The following EMP2 variants were observed in gnomAD, a reference collection of about 807,000 sequenced individuals.
The protein encoded by EMP2 is epithelial membrane protein 2.
In EMP2, 19 loss-of-function variants were observed where a neutral mutation model predicts 13.7. The observed-to-expected ratio is 1.38, with a 90% CI of 0.97 to 2.03. EMP2 has a LOEUF of 2.03. Among genes scored for constraint, EMP2 ranks in the 30% most tolerant of loss-of-function variants. The probability of loss-of-function intolerance (pLI) is 0.00; values close to 1 mark genes in which losing one functional copy is unlikely to be tolerated. For missense variants in EMP2, 253 were observed against 220.7 expected, an observed-to-expected ratio of 1.15 and a Z score of -0.93; for synonymous variants, 97 against 84.7, an observed-to-expected ratio of 1.15 and a Z score of -0.80.
At position 10,531,162 on chromosome 16, in the gene EMP2, CG is replaced by C. The variant is rs1567198357; in HGVS notation, c.*1742del. 3 of 151,992 alleles carry C rather than the reference CG, an allele frequency of 2.0e-5. No homozygotes were observed. The highest frequency in any genetic ancestry group is 1.9e-4 in the East Asian group (1 of 5,136). The allele number at this position is 151,992 out of a possible 1,614,324, so 9.4% of individuals were successfully genotyped here. ...AATTTTGTTGTATTTTCGGTAGAGA[CG>C]GGGTTTCACCATGTTGGCCAGGCTG... On this transcript the variant is annotated 3_prime_UTR_variant, in exon 5 of 5. Coordinates refer to ENST00000359543, the MANE Select transcript of EMP2 (RefSeq NM_001424.6).
chr16:10,569,042 C>A (rs1163202973), intron 1 of EMP2, among the ~76,000 whole-genome samples: 1 of 152,122 alleles, frequency 6.6e-6, no homozygotes, highest in East Asian at 1.9e-4. Context: ...CCCACCTTGG[C>A]CTCCCAAAGG....
intron 1 of EMP2, among the ~76,000 whole-genome samples, chr16:10,559,923 C>T (rs1362803308): frequency 6.6e-6 from 1 of 152,172 alleles, no homozygotes; most frequent in East Asian, 1.9e-4. Flanking sequence ...GATCTGCCTG[C>T]CTCAGCCTCC....
At chr16:10,558,425 G>C (rs997810862) in intron 1 of EMP2, among the ~76,000 whole-genome samples, 8 of 152,104 alleles carry the variant, frequency 5.3e-5, no homozygotes, top group African/African-American at 1.7e-4. Flanking sequence ...TCTCCTCGCT[G>C]TTTCCTAAGT....
At chr16:10,567,415 A>G (rs575780255) in intron 1 of EMP2, among the ~76,000 whole-genome samples, 2 of 152,376 alleles carry the variant, frequency 1.3e-5, no homozygotes, top group South Asian at 4.1e-4. Flanking sequence ...CTCTGAGGGC[A>G]GGGAGCATGA....
intron 4 of EMP2, among the ~76,000 whole-genome samples, chr16:10,536,531 C>G (rs758838848): frequency 8.5e-5 from 13 of 152,144 alleles, no homozygotes. Flanking sequence ...CATGTAAGCC[C>G]TTTTGTTCTT....
At chr16:10,534,965 C>T (rs1331599237) in intron 4 of EMP2, among the ~76,000 whole-genome samples, 1 of 152,212 alleles carries the variant, frequency 6.6e-6, no homozygotes, top group East Asian at 1.9e-4. Flanking sequence ...CAGACTCTCA[C>T]TCCTGGAAAC....
chr16:10,562,808 G>T (rs963095799), intron 1 of EMP2, among the ~76,000 whole-genome samples: 4 of 152,166 alleles, frequency 2.6e-5, no homozygotes, highest in African/African-American at 4.8e-5. Flanking sequence ...TTAAATGTTT[G>T]CTAGTTTGTG....
chr16:10,533,052 C>G lies in EMP2; in HGVS notation c.357G>C (p.Arg119Ser), dbSNP rs756207795. ...CGTTTTTGTCGTGAATGTCTTCACG[C>G]CTGTCTGTATAAATGGAGGCCGCAA... ...VMIAASIYTD[R>S]REDIHDKNAK... The change falls in exon 5 of 5, where the codon AGG becomes AGC. Residue 119 changes from arginine (R) to serine (S), a missense_variant. Physicochemically the swap from Arg to Ser is moderately radical, Grantham distance 110. Coordinates refer to ENST00000359543, the MANE Select transcript of EMP2 (RefSeq NM_001424.6). 3.7e-6 allele frequency: 6 copies of G among 1,608,794 alleles called. No individual in the cohort carries two copies. The highest frequency in any genetic ancestry group is 5.1e-6 in the Non-Finnish European group (6 of 1,177,552).
At chr16:10,550,990 G>A (rs958256748) in intron 1 of EMP2, among the ~76,000 whole-genome samples, 4 of 148,144 alleles carry the variant, frequency 2.7e-5, no homozygotes, top group African/African-American at 1.0e-4. Context: ...AAAAAAAATT[G>A]TAGAAGTGAT....
At chr16:10,574,518 C>G (rs1348104864) in intron 1 of EMP2, among the ~76,000 whole-genome samples, 1 of 152,098 alleles carries the variant, frequency 6.6e-6, no homozygotes, top group Non-Finnish European at 1.5e-5. Flanking sequence ...GCTCCTCCAG[C>G]AGGGTCCCTG....
intron 1 of EMP2, among the ~76,000 whole-genome samples, chr16:10,564,497 A>G (rs1376192806): frequency 6.6e-6 from 1 of 151,372 alleles, no homozygotes; most frequent in East Asian, 1.9e-4. Context: ...TCTCAAAAAA[A>G]AAAAAAAAAA....
intron 1 of EMP2, among the ~76,000 whole-genome samples, chr16:10,575,399 G>T (rs530555503): frequency 5.3e-5 from 8 of 151,474 alleles, no homozygotes; most frequent in African/African-American, 1.9e-4. Flanking sequence ...GACTACAGGC[G>T]CCCGCCACCA....
chr16:10,573,131 C>T (rs1022833736), intron 1 of EMP2, among the ~76,000 whole-genome samples: 4 of 152,172 alleles, frequency 2.6e-5, no homozygotes, highest in Non-Finnish European at 5.9e-5. Context: ...CTCACTGCAG[C>T]CTCAAACTCC....
At chr16:10,543,084 G>A (rs1370900486) in intron 3 of EMP2, among the ~76,000 whole-genome samples, 1 of 152,152 alleles carries the variant, frequency 6.6e-6, no homozygotes, top group Non-Finnish European at 1.5e-5. Flanking sequence ...GACCTCAAGT[G>A]ATCCATCCGC....
intron 1 of EMP2, among the ~76,000 whole-genome samples, chr16:10,575,534 G>T (rs569047858): frequency 4.6e-5 from 7 of 151,950 alleles, no homozygotes; most frequent in Admixed American, 1.3e-4. Context: ...GATTACAGGC[G>T]TGAGGAGCTT....
In EMP2 at chr16:10,568,780, C is replaced by CTTTTTTT. The variant is rs58406598; in HGVS notation, c.-61+11762_-61+11768dup. Among the ~76,000 whole-genome samples, 84 of 85,212 alleles carry CTTTTTTT rather than the reference C, an allele frequency of 9.9e-4. 2 individuals carry two copies. Among genetic ancestry groups the CTTTTTTT allele is most frequent in the East Asian group, 1.5e-3 (4 of 2,680 alleles). The allele number at this position is 85,212 out of a possible 152,430, so 55.9% of individuals were successfully genotyped here. A position where few individuals can be genotyped will look rare whatever the true frequency, so the allele number is the denominator to read the frequency against. The stretch of plus-strand genomic sequence containing the variant: ...GTGTGGATTCTTGTGCTAGGATTTT[C>CTTTTTTT]TTTTTTTTTTTTTTTTTTTTTTTGA... On this transcript the variant is annotated intron_variant, in intron 1 of 4. Coordinates refer to ENST00000359543, the MANE Select transcript of EMP2 (RefSeq NM_001424.6).
chr16:10,558,161 C>G (rs954554540), intron 1 of EMP2, among the ~76,000 whole-genome samples: 4 of 152,030 alleles, frequency 2.6e-5, no homozygotes, highest in African/African-American at 7.3e-5. Context: ...TCCCCAGTAG[C>G]TGGGACTACA....
At chr16:10,564,696 C>T (rs2050895676) in intron 1 of EMP2, among the ~76,000 whole-genome samples, 1 of 151,928 alleles carries the variant, frequency 6.6e-6, no homozygotes. Context: ...CTCCCATCCA[C>T]CACCACCATT....
intron 1 of EMP2, among the ~76,000 whole-genome samples, chr16:10,550,271 T>C (rs1184302762): frequency 1.3e-5 from 2 of 152,178 alleles, no homozygotes; most frequent in Non-Finnish European, 2.9e-5. Flanking sequence ...CTACAGTCCA[T>C]AGTCAAATTT....
Sources: gnomAD v4.1 joint callset for allele counts (sites outside exome capture counted in the v4.1 genomes callset) on GRCh38, gnomAD v4.1.1 for gene constraint, MANE v1.5 for transcripts, NCBI Gene and HGNC (gene_info 2026-07-23, HGNC 2026-07-21) for gene names.